RORA: variants seen among roughly 807,000 people sequenced by gnomAD.
RORA encodes the protein nuclear receptor ROR-alpha.
Under a neutral mutation model 69.5 loss-of-function variants are expected in RORA, and 7 were observed. The ratio of observed to expected loss-of-function variants is 0.10; its 90% confidence interval spans 0.06 to 0.19. RORA has a LOEUF of 0.19. Ranked by LOEUF, RORA falls within the 10% of genes least tolerant of loss-of-function variation. The pLI is 1.00. For synonymous variants in RORA, 261 were observed against 240.8 expected (o/e 1.08, Z -0.78); for missense variants, 457 against 663.0 (o/e 0.69, Z 3.41).
chr15:60,787,056 C>A (rs1402006785), intron 1 of RORA, among the ~76,000 whole-genome samples: 1 of 152,212 alleles, frequency 6.6e-6, no homozygotes, highest in Admixed American at 6.5e-5. Context: ...AATGTCATCC[C>A]ATTTTACAAA....
intron 1 of RORA, among the ~76,000 whole-genome samples, chr15:60,756,360 G>C (rs1416069605): frequency 6.6e-6 from 1 of 152,194 alleles, no homozygotes; most frequent in Non-Finnish European, 1.5e-5. Flanking sequence ...TGATTAAGTT[G>C]TCTGATTCTT....
At chr15:60,693,429 A>T (rs976874008) in intron 1 of RORA, among the ~76,000 whole-genome samples, 1 of 152,224 alleles carries the variant, frequency 6.6e-6, no homozygotes, top group Non-Finnish European at 1.5e-5. Flanking sequence ...TATTCAACAT[A>T]GTATTGGAAA....
chr15:60,830,784 G>C (rs1055919638), intron 1 of RORA, among the ~76,000 whole-genome samples: 1 of 152,188 alleles, frequency 6.6e-6, no homozygotes, highest in African/African-American at 2.4e-5. Flanking sequence ...AAGAAAACAG[G>C]CACAGAATGT....
chr15:61,007,619 T>C (rs1894947227), intron 1 of RORA, among the ~76,000 whole-genome samples: 1 of 151,424 alleles, frequency 6.6e-6, no homozygotes. Flanking sequence ...TTAAAAAATT[T>C]ATTTACACAT....
intron 1 of RORA, among the ~76,000 whole-genome samples, chr15:60,894,758 C>A (rs1891184663): frequency 6.6e-6 from 1 of 152,152 alleles, no homozygotes; most frequent in African/African-American, 2.4e-5. Flanking sequence ...CCTGGGGAAC[C>A]ATGCTTTGGG....
intron 1 of RORA, among the ~76,000 whole-genome samples, chr15:60,721,411 C>T (rs2071291892): frequency 6.6e-6 from 1 of 152,232 alleles, no homozygotes; most frequent in African/African-American, 2.4e-5. Flanking sequence ...CAAGCACCTC[C>T]CTGAGGAGAC....
intron 1 of RORA, among the ~76,000 whole-genome samples, chr15:61,018,890 C>A (rs1566945825): frequency 6.6e-6 from 1 of 152,176 alleles, no homozygotes; most frequent in East Asian, 1.9e-4. Flanking sequence ...AGCTAATTAA[C>A]CTGTGCACCT....
intron 2 of RORA, among the ~76,000 whole-genome samples, chr15:60,623,380 G>C (rs1236787031): frequency 6.6e-6 from 1 of 152,300 alleles, no homozygotes; most frequent in Non-Finnish European, 1.5e-5. Flanking sequence ...TATTGCACTT[G>C]CTTATGATAC....
intron 2 of RORA, among the ~76,000 whole-genome samples, chr15:60,662,583 A>C (rs542113152): frequency 6.6e-6 from 1 of 152,318 alleles, no homozygotes; most frequent in South Asian, 2.1e-4. Context: ...GCACACACAT[A>C]TGATTTATAA....
intron 1 of RORA, among the ~76,000 whole-genome samples, chr15:60,724,441 G>A (rs1364808086): frequency 6.6e-6 from 1 of 152,188 alleles, no homozygotes; most frequent in African/African-American, 2.4e-5. Context: ...ACCAAGATTT[G>A]AACCCATACA....
At chr15:61,040,579 G>A (rs372505855) in intron 1 of RORA, among the ~76,000 whole-genome samples, 2 of 151,918 alleles carry the variant, frequency 1.3e-5, no homozygotes, top group South Asian at 4.2e-4. Flanking sequence ...GTGTTTAAAT[G>A]ATGACAAGCA....
chr15:60,663,489 C>T (rs555533717), intron 2 of RORA, among the ~76,000 whole-genome samples: 1 of 152,316 alleles, frequency 6.6e-6, no homozygotes, highest in Admixed American at 6.5e-5. Flanking sequence ...GAGTTTCACT[C>T]TTGTTGCCCA....
intron 1 of RORA, among the ~76,000 whole-genome samples, chr15:61,156,314 G>T (rs1187135928): frequency 6.6e-6 from 1 of 152,124 alleles, no homozygotes; most frequent in African/African-American, 2.4e-5. Flanking sequence ...TTTTGCAAAT[G>T]GTCCAATAGT....
chr15:60,838,640 T>G (rs944702600), intron 1 of RORA, among the ~76,000 whole-genome samples: 8 of 152,200 alleles, frequency 5.3e-5, no homozygotes. Context: ...TAATGGCGTC[T>G]TTTATTTGTA....
intron 1 of RORA, among the ~76,000 whole-genome samples, chr15:61,057,461 A>G (rs1013853769): frequency 2.6e-5 from 4 of 152,246 alleles, no homozygotes; most frequent in African/African-American, 9.6e-5. Flanking sequence ...AAGCGCCTTC[A>G]GCATTTCTTT....
At chr15:61,056,029 A>G (rs190589211) in intron 1 of RORA, among the ~76,000 whole-genome samples, 3 of 152,356 alleles carry the variant, frequency 2.0e-5, no homozygotes, top group Admixed American at 2.0e-4. Flanking sequence ...TAAATATTCA[A>G]TTAATCAGCT....
chr15:60,834,085 A>C (rs897360806), intron 1 of RORA, among the ~76,000 whole-genome samples: 4 of 152,222 alleles, frequency 2.6e-5, no homozygotes, highest in African/African-American at 9.6e-5. Flanking sequence ...CAGCCCCATA[A>C]ATCTTTGTAC....
At position 61,005,246 on chromosome 15, in the gene RORA, G is replaced by A. The variant is rs538218886; in HGVS notation, c.166+223807C>T. ...TGTAATCTCAGCACTTTGGGAGGCCGAGGCAGGCTGATCATTTGAGGTCAG... is the reference window on the plus strand; with the variant it reads ...TGTAATCTCAGCACTTTGGGAGGCCAAGGCAGGCTGATCATTTGAGGTCAG... On this transcript the variant is annotated intron_variant, in intron 1 of 10. Coordinates refer to ENST00000335670, the MANE Select transcript of RORA (RefSeq NM_134261.3). Among the ~76,000 whole-genome samples, 385 of 152,248 alleles carry A rather than the reference G, an allele frequency of 2.5e-3. 5 individuals are homozygous for A. Among genetic ancestry groups the A allele is most frequent in the African/African-American group, 8.7e-3 (363 of 41,546 alleles).
At chr15:60,980,872 A>T (rs1392774180) in intron 1 of RORA, among the ~76,000 whole-genome samples, 2 of 151,916 alleles carry the variant, frequency 1.3e-5, no homozygotes, top group African/African-American at 4.8e-5. Flanking sequence ...CATTGATCAC[A>T]ACTCTAATCT....
Sources: gnomAD v4.1 joint callset for allele counts (sites outside exome capture counted in the v4.1 genomes callset) on GRCh38, gnomAD v4.1.1 for gene constraint, MANE v1.5 for transcripts, NCBI Gene and HGNC (gene_info 2026-07-23, HGNC 2026-07-21) for gene names.